The following GABRG2 variants were observed in gnomAD, a reference collection of about 807,000 sequenced individuals.
GABRG2 encodes gamma-aminobutyric acid receptor subunit gamma-2.
GABRG2 carries 16 observed loss-of-function variants against 56.4 expected under a neutral mutation model. That is an observed-to-expected ratio of 0.28 (90% CI 0.19 to 0.43). The LOEUF is 0.43. Ranked by LOEUF, GABRG2 falls within the 20% of genes least tolerant of loss-of-function variation. The pLI, the probability that GABRG2 is intolerant of heterozygous loss-of-function variation, is 1.00. For missense variants in GABRG2, 327 were observed against 582.7 expected, an observed-to-expected ratio of 0.56 and a Z score of 4.52; for synonymous variants, 208 against 205.5, an observed-to-expected ratio of 1.01 and a Z score of -0.10.
chr5:162,113,936 G>T (rs888600304), intron 6 of GABRG2, among the ~76,000 whole-genome samples: 3 of 152,140 alleles, frequency 2.0e-5, no homozygotes, highest in African/African-American at 7.2e-5. Context: ...TAAAGACCAA[G>T]CCCAGTTGTA....
At chr5:162,148,959 A>G (rs1765157179) in intron 7 of GABRG2, 149 bp from the exon 8 acceptor site, 1 of 721,324 alleles carries the variant, frequency 1.4e-6, no homozygotes, top group African/African-American at 1.7e-5. Flanking sequence ...AAATATTTGT[A>G]AATAGAGTGA....
In GABRG2 at chr5:162,101,205, C is replaced by T. The variant is rs760493990; in HGVS notation, c.549-30C>T. 2.9e-6 allele frequency: 4 copies of T among 1,399,214 alleles called. No homozygotes were observed. In the African/African-American group the frequency reaches 5.7e-5, roughly 20 times the overall value. The allele number at this position is 1,399,214 out of a possible 1,614,324, so 86.7% of individuals were successfully genotyped here. A position where few individuals can be genotyped will look rare whatever the true frequency, so the allele number is the denominator to read the frequency against. ...TACAATTTAAAATTATGTCTAAAAT[C>T]CATCTTATGTTTAATATCTTTCTAC... On this transcript the variant is annotated intron_variant, in intron 4 of 9. Coordinates refer to ENST00000639213, the MANE Select transcript of GABRG2 (RefSeq NM_198904.4).
chr5:162,083,061 A>G (rs1044561923), intron 1 of GABRG2, among the ~76,000 whole-genome samples: 1 of 151,758 alleles, frequency 6.6e-6, no homozygotes, highest in Non-Finnish European at 1.5e-5. Context: ...AAATTTCCAG[A>G]ATTATGGTCA....
intron 6 of GABRG2, among the ~76,000 whole-genome samples, chr5:162,119,567 T>A (rs1181918456): frequency 6.6e-6 from 1 of 152,080 alleles, no homozygotes; most frequent in Non-Finnish European, 1.5e-5. Flanking sequence ...CAAATAGGGT[T>A]CAAGAAGGTA....
chr5:162,153,177 G>A lies in GABRG2; in HGVS notation c.1237G>A (p.Gly413Ser), dbSNP rs1229153846. The part of the protein sequence containing the change: ...THLQERDEEY[G>S]YECLDGKDCA... ...CCTTCAAGAGAGAGATGAAGAGTAC[G>A]GCTATGAGTGTCTGGACGGCAAGGA... is the stretch of plus-strand genomic sequence containing the variant. The change falls in exon 10 of 10, where the codon GGC (glycine) becomes AGC (serine). Residue 413 changes from glycine to serine, a missense_variant. Coordinates refer to ENST00000639213, the MANE Select transcript of GABRG2 (RefSeq NM_198904.4). 2 of 1,614,038 alleles carry A rather than the reference G, an allele frequency of 1.2e-6. No individual in the cohort carries two copies. Among genetic ancestry groups the A allele is most frequent in the Non-Finnish European group, 1.7e-6 (2 of 1,179,978 alleles).
Position 162,089,480 on chromosome 5 carries a change from G to C in GABRG2, c.108-4348G>C, listed in dbSNP as rs1177017082. Among the ~76,000 whole-genome samples the C allele has an allele frequency of 1.3e-5, 2 of 152,036 alleles. 1 individual carries two copies. Among genetic ancestry groups the C allele is most frequent in the South Asian group, 4.1e-4 (2 of 4,828 alleles). ...GGAATTTTTATTAGAAAAGGTCAAA[G>C]ATATCATTTTCCCGCATGTATGTCT... is the stretch of plus-strand genomic sequence containing the variant. On this transcript the variant is annotated intron_variant, in intron 1 of 9. Coordinates refer to ENST00000639213, the MANE Select transcript of GABRG2 (RefSeq NM_198904.4).
Position 162,149,571 on chromosome 5 carries a change from C to G in GABRG2, c.1128+258C>G, listed in dbSNP as rs777683098. The G allele has an allele frequency of 6.2e-5, 47 of 757,128 alleles. No homozygotes were observed. In the African/African-American group the frequency reaches 7.5e-4, roughly 12 times the overall value. The allele number at this position is 757,128 out of a possible 1,614,324, so 46.9% of individuals were successfully genotyped here. ...TCTCTTTATTTTGTGGAGACTAAAG[C>G]CATTTTTGAGAAATGTGACCTTCTT... is the stretch of plus-strand genomic sequence containing the variant. On this transcript the variant is annotated intron_variant, in intron 8 of 9. Coordinates refer to ENST00000639213, the MANE Select transcript of GABRG2 (RefSeq NM_198904.4).
At chr5:162,144,328 G>C (rs1219820883) in intron 7 of GABRG2, among the ~76,000 whole-genome samples, 1 of 152,136 alleles carries the variant, frequency 6.6e-6, no homozygotes, top group Non-Finnish European at 1.5e-5. Context: ...CAATCAATCT[G>C]TCCTCTTGAA....
chr5:162,092,442 A>G (rs956292397), intron 1 of GABRG2, among the ~76,000 whole-genome samples: 1 of 152,180 alleles, frequency 6.6e-6, no homozygotes, highest in African/African-American at 2.4e-5. Flanking sequence ...ACCCATGACA[A>G]TAATTACTCT....
At chr5:162,115,299 A>T (rs1191090609) in intron 6 of GABRG2, among the ~76,000 whole-genome samples, 4 of 152,178 alleles carry the variant, frequency 2.6e-5, no homozygotes, top group South Asian at 4.1e-4. Flanking sequence ...ACACTGTGTC[A>T]TATTTCCTGG....
rs144353980 is a variant in GABRG2, at chr5:162,099,820, G to C, written c.549-1415G>C. On this transcript the variant is annotated intron_variant, in intron 4 of 9. Coordinates refer to ENST00000639213, the MANE Select transcript of GABRG2 (RefSeq NM_198904.4). Reference sequence around the variant, plus strand: ...CCAGTCTACATAGAGAGATGATTTTGTTCTGGCTATCTAAAATGAGCTATG... The same window carrying C: ...CCAGTCTACATAGAGAGATGATTTTCTTCTGGCTATCTAAAATGAGCTATG... The C allele has an allele frequency of 2.0e-5, 3 of 152,220 alleles. No homozygotes were observed. The East Asian group carries it at 5.8e-4, about 29-fold the overall frequency. 9.4% of individuals were successfully genotyped at this position (152,220 alleles called of 1,614,324 possible).
At chr5:162,148,897 A>G (rs1361831641) in intron 7 of GABRG2, among the ~76,000 whole-genome samples, 1 of 152,236 alleles carries the variant, frequency 6.6e-6, no homozygotes, top group African/African-American at 2.4e-5. Flanking sequence ...GGCCAGACCA[A>G]ATCTATTCAT....
At chr5:162,094,461 G>A (rs1760847159) in intron 2 of GABRG2, 1 of 169,456 alleles carries the variant, frequency 5.9e-6, no homozygotes, top group Admixed American at 5.8e-5. Flanking sequence ...TAGGGCAACT[G>A]TACTTTACGT....
At chr5:162,123,748 G>A (rs767401964) in intron 6 of GABRG2, among the ~76,000 whole-genome samples, 2 of 151,844 alleles carry the variant, frequency 1.3e-5, no homozygotes, top group African/African-American at 2.4e-5. Context: ...TAGGAGAGAA[G>A]CAGATTTAGA....
At chr5:162,111,629 C>T (rs1447699494) in intron 6 of GABRG2, among the ~76,000 whole-genome samples, 2 of 152,104 alleles carry the variant, frequency 1.3e-5, no homozygotes, top group Admixed American at 6.6e-5. Context: ...ATGCAATATA[C>T]ACAATGGTAT....
intron 1 of GABRG2, among the ~76,000 whole-genome samples, chr5:162,081,057 G>C (rs1376724463): frequency 6.6e-6 from 1 of 151,964 alleles, no homozygotes; most frequent in Non-Finnish European, 1.5e-5. Context: ...AGAGACCATT[G>C]ACAAAAGTAT....
At chr5:162,132,450 C>G (rs1403026271) in intron 6 of GABRG2, among the ~76,000 whole-genome samples, 1 of 151,976 alleles carries the variant, frequency 6.6e-6, no homozygotes, top group Admixed American at 6.6e-5. Flanking sequence ...GCAGTCTCAT[C>G]ATTTCTATGT....
Position 162,103,877 on chromosome 5 carries a change from A to G in GABRG2, c.632-12A>G, listed in dbSNP as rs1056858854. 6 of 1,613,722 alleles carry G rather than the reference A, an allele frequency of 3.7e-6. No homozygotes were observed. Among genetic ancestry groups the G allele is most frequent in the Admixed American group, 1.7e-5 (1 of 59,982 alleles). ...AATCATTTTTAATGTGAGCTTTCCT[A>G]TCTCACGGCAGATGGCTATCCACGT... On this transcript the variant is annotated splice_polypyrimidine_tract_variant and intron_variant, in intron 5 of 9. Coordinates refer to ENST00000639213, the MANE Select transcript of GABRG2 (RefSeq NM_198904.4).
chr5:162,110,504 T>C (rs1005105843), intron 6 of GABRG2, among the ~76,000 whole-genome samples: 8 of 152,076 alleles, frequency 5.3e-5, no homozygotes, highest in African/African-American at 1.9e-4. Context: ...TTAATTTAAA[T>C]GTCCTTGGTA....
Sources: allele counts gnomAD v4.1 joint callset (sites outside exome capture counted in the v4.1 genomes callset), GRCh38; gene constraint gnomAD v4.1.1; transcripts MANE v1.5; gene names NCBI Gene and HGNC (gene_info 2026-07-23, HGNC 2026-07-21).